MSL3: variants seen among roughly 807,000 people sequenced by gnomAD.
MSL3 encodes MSL3-like 1.
In MSL3, 5 loss-of-function variants were observed where a neutral mutation model predicts 37.2. That is an observed-to-expected ratio of 0.13 (90% CI 0.07 to 0.28). The LOEUF is 0.28. Among genes scored for constraint, MSL3 ranks in the 10% least tolerant of loss-of-function variants. The pLI, the probability that MSL3 is intolerant of heterozygous loss-of-function variation, is 1.00. For missense variants in MSL3, 315 were observed against 408.5 expected (o/e 0.77, Z 1.97); for synonymous variants, 149 against 147.6 (o/e 1.01, Z -0.07).
intron 10 of MSL3, among the ~76,000 whole-genome samples, chrX:11,770,166 G>A (rs1183655309): frequency 1.8e-5 from 2 of 112,455 alleles, no homozygotes; most frequent in Non-Finnish European, 3.8e-5. Context: ...TTATTCGTAT[G>A]ATTTTTTTTC....
Position 11,775,071 on chromosome X carries a change from A to T in MSL3, c.1558A>T (p.Ile520Phe), listed in dbSNP as rs2053263450. 1 of 1,196,651 alleles carries T rather than the reference A, an allele frequency of 8.4e-7. No homozygotes were observed. Among genetic ancestry groups the T allele is most frequent in the African/African-American group, 1.7e-5 (1 of 57,287 alleles). Residue 520 changes from isoleucine (I) to phenylalanine (F), a missense_variant, in exon 13 of 13, where the codon ATT (isoleucine) becomes TTT (phenylalanine). Physicochemically the swap from Ile to Phe is conservative, Grantham distance 21 (BLOSUM62 0). Transcript: ENST00000312196. ...TTACAGCACCAAGAACCCCCGGGCAATTTATTAAAATGTTGTTGGTTCTGT... is the reference window on the plus strand; with the variant it reads ...TTACAGCACCAAGAACCCCCGGGCATTTTATTAAAATGTTGTTGGTTCTGT... ...AHYSTKNPRAIY is the reference protein window; with the variant it reads ...AHYSTKNPRAFY
intron 10 of MSL3, 26 bp from the exon 11 acceptor site, chrX:11,772,130 A>G: frequency 9.1e-7 from 1 of 1,096,913 alleles, no homozygotes; most frequent in Non-Finnish European, 1.3e-6. Context: ...AGAATAACAA[A>G]AGCATTCAAT....
chrX:11,772,028 G>A, intron 10 of MSL3, 128 bp from the exon 11 acceptor site: 1 of 482,409 alleles, frequency 2.1e-6, no homozygotes. Flanking sequence ...TTTTTTGTAA[G>A]CTTGTGTTTA....
intron 9 of MSL3, 115 bp downstream of exon 9, chrX:11,765,844 C>A (rs1319760930): frequency 8.9e-7 from 1 of 1,127,810 alleles, no homozygotes; most frequent in Non-Finnish European, 1.2e-6. Context: ...CGTGTGATTC[C>A]CATGTCCAAA....
At chrX:11,772,531 TAAG>T in intron 11 of MSL3, 87 bp from the exon 12 acceptor site, 1 of 606,202 alleles carries the variant, frequency 1.6e-6, no homozygotes, top group Non-Finnish European at 2.7e-6. Context: ...CCAGTAGAGA[TAAG>T]GAGGGGCCCA....
Position 11,765,316 on chromosome X carries a change from C to T in MSL3, c.909-151C>T, listed in dbSNP as rs1487976214. On this transcript the variant is annotated intron_variant, in intron 8 of 12. Transcript: ENST00000312196. ...GGGGCATCACAATCTTTAATGCCAG[C>T]GTGCCTTGCAGAGTTATGGAGAGGG... is the stretch of plus-strand genomic sequence containing the variant. 7 of 576,616 alleles carry T rather than the reference C, an allele frequency of 1.2e-5. No individual in the cohort carries two copies. The East Asian group carries it at 1.4e-4, about 12-fold the overall frequency. The allele number at this position is 576,616 out of a possible 1,213,427, so 47.5% of individuals were successfully genotyped here. A position where few individuals can be genotyped will look rare whatever the true frequency, so the allele number is the denominator to read the frequency against.
At chrX:11,759,959 G>T in intron 2 of MSL3, 84 bp downstream of exon 2, 4 of 1,062,353 alleles carry the variant, frequency 3.8e-6, no homozygotes, top group Non-Finnish European at 5.1e-6. Flanking sequence ...AGAAACACTT[G>T]TAGAGAAGTT....
rs1247167523 is a variant in MSL3, at chrX:11,772,111, T to A, written c.1282-45T>A. ...CATAATTGTTAGGTGGTTGGAAGTG[T>A]CTCCATTAAGAATAACAAAAGCATT... On this transcript the variant is annotated intron_variant, in intron 10 of 12. Transcript: ENST00000312196. 5.3e-6 allele frequency: 5 copies of A among 938,926 alleles called. No individual in the cohort carries two copies. In the South Asian group the frequency reaches 1.0e-4, roughly 19 times the overall value. 77.4% of individuals were successfully genotyped at this position (938,926 alleles called of 1,213,427 possible).
chrX:11,767,194 T>C, intron 9 of MSL3: 1 of 754,630 alleles, frequency 1.3e-6, no homozygotes, highest in Non-Finnish European at 1.6e-6. Flanking sequence ...TTGCTGATTC[T>C]TTGAAGATTG....
chrX:11,772,551 C>T (rs2053240934), intron 11 of MSL3, 70 bp from the exon 12 acceptor site: 1 of 754,069 alleles, frequency 1.3e-6, no homozygotes, highest in African/African-American at 2.1e-5. Flanking sequence ...CCCAGACCTT[C>T]CCTGAGTGAA....
intron 9 of MSL3, chrX:11,766,971 T>C: frequency 1.3e-6 from 1 of 754,972 alleles, no homozygotes; most frequent in Non-Finnish European, 1.6e-6. Context: ...CCTCGCCTGC[T>C]GTGCTGACTC....
In MSL3 at chrX:11,772,558, T is replaced by A; in HGVS notation, c.1382-63T>A. Reference sequence around the variant, plus strand: ...AGGAGGGGCCCAGACCTTCCCTGAGTGAATCCTATGCATTGTCAGATTCTG... The same window carrying A: ...AGGAGGGGCCCAGACCTTCCCTGAGAGAATCCTATGCATTGTCAGATTCTG... On this transcript the variant is annotated intron_variant, in intron 11 of 12. Coordinates refer to ENST00000312196, the MANE Select transcript of MSL3 (RefSeq NM_078629.4). 5 of 798,806 alleles carry A rather than the reference T, an allele frequency of 6.3e-6. No homozygotes were observed. In the South Asian group the frequency reaches 1.1e-4, roughly 18 times the overall value. 65.8% of individuals were successfully genotyped at this position (798,806 alleles called of 1,213,427 possible). A position where few individuals can be genotyped will look rare whatever the true frequency, so the allele number is the denominator to read the frequency against.
At chrX:11,760,700 A>G in intron 3 of MSL3, 137 bp from the exon 4 acceptor site, 1 of 589,972 alleles carries the variant, frequency 1.7e-6, no homozygotes, top group Non-Finnish European at 2.5e-6. Context: ...AATTTTCTGA[A>G]ATGGAAATTA....
chrX:11,758,434 C>T, intron 1 of MSL3, 69 bp downstream of exon 1: 2 of 927,480 alleles, frequency 2.2e-6, no homozygotes, highest in Admixed American at 4.6e-5. Context: ...GGGGCGGGGG[C>T]GGACGGCCGC....
chrX:11,767,057 C>T (rs978370659), intron 9 of MSL3: 2 of 752,002 alleles, frequency 2.7e-6, no homozygotes, highest in Admixed American at 8.8e-5. Flanking sequence ...GTTCAGGTGC[C>T]CATTTCCTTG....
chrX:11,766,387 A>G lies in MSL3; in HGVS notation c.1171+658A>G, dbSNP rs192634616. The G allele has an allele frequency of 9.3e-6, 7 of 753,382 alleles. No individual in the cohort carries two copies. The East Asian group carries it at 7.5e-4, about 81-fold the overall frequency. The allele number at this position is 753,382 out of a possible 1,213,427, so 62.1% of individuals were successfully genotyped here. On this transcript the variant is annotated intron_variant, in intron 9 of 12. Coordinates refer to ENST00000312196, the MANE Select transcript of MSL3 (RefSeq NM_078629.4). Reference sequence around the variant, plus strand: ...TCATTTTAAACTTTCAAAAACTGCTAAAACAGGTGCCATGAATCAGGTACA... The same window carrying G: ...TCATTTTAAACTTTCAAAAACTGCTGAAACAGGTGCCATGAATCAGGTACA...
chrX:11,759,575 C>T (rs997247179), intron 1 of MSL3: 14 of 1,038,494 alleles, frequency 1.3e-5, no homozygotes, highest in South Asian at 1.2e-4. Flanking sequence ...CTGTCTCACG[C>T]TCAGAGACCA....
intron 12 of MSL3, among the ~76,000 whole-genome samples, chrX:11,773,921 T>C (rs903080496): frequency 1.7e-4 from 19 of 112,483 alleles, no homozygotes; most frequent in African/African-American, 5.8e-4. Context: ...TGACTCAATT[T>C]ATACTGAAGA....
In MSL3 at chrX:11,765,556, C is replaced by G. The variant is rs754592866; in HGVS notation, c.998C>G (p.Ala333Gly). Reference protein sequence around the residue: ...TESQPTTGEPATPKRRKAEPE... With the variant: ...TESQPTTGEPGTPKRRKAEPE... ...AGTCAGCCGACCACCGGTGAACCAG[C>G]CACCCCCAAAAGGCGCAAAGCTGAG... Residue 333 changes from alanine to glycine, a missense_variant, in exon 9 of 13, where the codon GCC becomes GGC. Coordinates refer to ENST00000312196, the MANE Select transcript of MSL3 (RefSeq NM_078629.4). 7.4e-6 allele frequency: 9 copies of G among 1,211,293 alleles called. No homozygotes were observed. In the Admixed American group the frequency reaches 1.1e-4, roughly 15 times the overall value.
Sources: allele counts gnomAD v4.1 joint callset (sites outside exome capture counted in the v4.1 genomes callset), GRCh38; gene constraint gnomAD v4.1.1; transcripts MANE v1.5; gene names NCBI Gene and HGNC (gene_info 2026-07-23, HGNC 2026-07-21).